Variants in MEGF11 observed in about 807,000 individuals in gnomAD.
MEGF11 encodes the protein multiple epidermal growth factor-like domains protein 11.
Under a neutral mutation model 146.6 loss-of-function variants are expected in MEGF11, and 126 were observed. That is an observed-to-expected ratio of 0.86 (90% confidence interval 0.74 to 1.00). MEGF11 has a LOEUF of 1.00. Ranked by LOEUF, MEGF11 falls within the 50% of genes least tolerant of loss-of-function variation. The probability of loss-of-function intolerance (pLI) is 0.00; values close to 1 mark genes in which losing one functional copy is unlikely to be tolerated. For missense variants in MEGF11, 1,509 were observed against 1,521.2 expected (o/e 0.99, Z 0.13); for synonymous variants, 532 against 583.4 (o/e 0.91, Z 1.27).
chr15:66,100,665 T>G (rs2086755319), intron 4 of MEGF11, among the ~76,000 whole-genome samples: 1 of 152,104 alleles, frequency 6.6e-6, no homozygotes, highest in South Asian at 2.1e-4. Flanking sequence ...CCTCACTATG[T>G]TTTTCAAAGT....
chr15:66,113,436 G>A (rs1237876747), intron 4 of MEGF11, among the ~76,000 whole-genome samples: 4 of 152,198 alleles, frequency 2.6e-5, no homozygotes, highest in South Asian at 4.1e-4. Flanking sequence ...TTGCCGGGGG[G>A]AAACTATGTC....
chr15:66,144,261 C>T (rs573621639), intron 1 of MEGF11, among the ~76,000 whole-genome samples: 16 of 152,076 alleles, frequency 1.1e-4, no homozygotes, highest in Admixed American at 1.0e-3. Context: ...CGGTGTTGTC[C>T]AAAAGCTCCC....
chr15:66,171,261 T>C (rs1284873593), intron 1 of MEGF11, among the ~76,000 whole-genome samples: 1 of 152,066 alleles, frequency 6.6e-6, no homozygotes, highest in Non-Finnish European at 1.5e-5. Context: ...CCGGGGCAGG[T>C]ATCTGCTCAA....
chr15:66,181,945 C>T (rs1422161419), intron 1 of MEGF11, among the ~76,000 whole-genome samples: 1 of 152,180 alleles, frequency 6.6e-6, no homozygotes, highest in Non-Finnish European at 1.5e-5. Flanking sequence ...TCCCCTTGGG[C>T]AACCAGCCAG....
At chr15:66,026,331 A>G (rs1236353518) in intron 5 of MEGF11, among the ~76,000 whole-genome samples, 1 of 152,188 alleles carries the variant, frequency 6.6e-6, no homozygotes, top group South Asian at 2.1e-4. Context: ...CGGGGACCAC[A>G]CTTTGAGTAG....
intron 9 of MEGF11, among the ~76,000 whole-genome samples, chr15:65,959,368 A>T (rs945501288): frequency 2.0e-5 from 3 of 152,232 alleles, no homozygotes; most frequent in African/African-American, 7.2e-5. Context: ...AGGAACAGGC[A>T]ATTCCTGAAT....
At chr15:65,911,134 G>A (rs1195516645) in intron 21 of MEGF11, among the ~76,000 whole-genome samples, 1 of 152,238 alleles carries the variant, frequency 6.6e-6, no homozygotes, top group East Asian at 1.9e-4. Context: ...GCTGGAAGCT[G>A]TCAGGGAAGG....
intron 1 of MEGF11, among the ~76,000 whole-genome samples, chr15:66,142,613 A>G (rs1423780541): frequency 6.6e-6 from 1 of 152,176 alleles, no homozygotes; most frequent in African/African-American, 2.4e-5. Context: ...AGGCCCTGTG[A>G]GGGGACAGCA....
At position 65,982,131 on chromosome 15, in the gene MEGF11, C is replaced by T; in HGVS notation, c.641+111G>A. 2.2e-6 allele frequency: 3 copies of T among 1,352,280 alleles called. No individual in the cohort carries two copies. The highest frequency in any genetic ancestry group is 1.9e-6 in the Non-Finnish European group (2 of 1,034,672). The allele number at this position is 1,352,280 out of a possible 1,614,324, so 83.8% of individuals were successfully genotyped here. A position where few individuals can be genotyped will look rare whatever the true frequency, so the allele number is the denominator to read the frequency against. ...GGCGTGCAGCTGCGGTGAGGGCAGC[C>T]ACTCCAGGCCCCGCCCCAGCCCCTC... is the stretch of plus-strand genomic sequence containing the variant. On this transcript the variant is annotated intron_variant, in intron 6 of 25. Coordinates refer to ENST00000395614, the MANE Select transcript of MEGF11 (RefSeq NM_001385028.1). This position sits in a 1 kb window ranked among gnomAD's most constrained non-coding sequence, Gnocchi z 5.6.
rs549156792 is a variant in MEGF11, at chr15:66,013,954, C to G, written c.395-31466G>C. On this transcript the variant is annotated intron_variant, in intron 5 of 25. Coordinates refer to ENST00000395614, the MANE Select transcript of MEGF11 (RefSeq NM_001385028.1). ...CAACAGGAGAATCTGAACTTCCTTT[C>G]TGGGGCCAGGAAAGTGACTGCAGGC... 3.3e-5 allele frequency among the ~76,000 whole-genome samples: 5 copies of G among 152,248 alleles called. No homozygotes were observed. The South Asian group carries it at 1.0e-3, about 32-fold the overall frequency.
At chr15:66,141,287 T>TGAGA (rs1339943663) in intron 1 of MEGF11, among the ~76,000 whole-genome samples, 63 of 98,900 alleles carry the variant, frequency 6.4e-4, no homozygotes, top group East Asian at 1.9e-3. Context: ...TGTGTGTGTG[T>TGAGA]GTGAGAGAGA....
chr15:66,252,238 A>AC (rs1202283599), intron 1 of MEGF11, among the ~76,000 whole-genome samples: 1 of 63,232 alleles, frequency 1.6e-5, no homozygotes, highest in Non-Finnish European at 3.4e-5. Context: ...CCCACCCCCC[A>AC]CCCCCCACCG....
At chr15:66,119,023 T>G in intron 4 of MEGF11, 63 bp downstream of exon 4, 2 of 541,288 alleles carry the variant, frequency 3.7e-6, no homozygotes, top group Non-Finnish European at 6.5e-6. Context: ...TCCCCTCCCC[T>G]CCCCTCCTTT....
At chr15:66,078,833 G>A (rs1398425409) in intron 5 of MEGF11, among the ~76,000 whole-genome samples, 4 of 152,300 alleles carry the variant, frequency 2.6e-5, no homozygotes, top group East Asian at 3.9e-4. Flanking sequence ...GCCAGTTCTC[G>A]AGACTCCCTG....
At chr15:66,118,583 C>T (rs1202505660) in intron 4 of MEGF11, among the ~76,000 whole-genome samples, 1 of 152,202 alleles carries the variant, frequency 6.6e-6, no homozygotes. Flanking sequence ...TCCTCATGGT[C>T]CATCTCATCT....
Position 66,023,645 on chromosome 15 carries a change from G to A in MEGF11, c.395-41157C>T, listed in dbSNP as rs139940570. Reference sequence around the variant, plus strand: ...TCTGTCTCTGCTCGTTGCAGAGTCTGCACAGACCCAAGTGGGGTCGGCGTG... The same window carrying A: ...TCTGTCTCTGCTCGTTGCAGAGTCTACACAGACCCAAGTGGGGTCGGCGTG... On this transcript the variant is annotated intron_variant, in intron 5 of 25. Coordinates refer to ENST00000395614, the MANE Select transcript of MEGF11 (RefSeq NM_001385028.1). 4.0e-3 allele frequency among the ~76,000 whole-genome samples: 605 copies of A among 152,374 alleles called. 6 individuals carry two copies. Among genetic ancestry groups the A allele is most frequent in the African/African-American group, 0.014 (566 of 41,600 alleles).
intron 5 of MEGF11, among the ~76,000 whole-genome samples, chr15:66,070,168 T>C (rs1486152558): frequency 6.6e-6 from 1 of 152,058 alleles, no homozygotes; most frequent in Non-Finnish European, 1.5e-5. Flanking sequence ...GGCCCTGAGG[T>C]TGCCCCACAG....
chr15:65,967,474 T>G (rs1021688449), intron 8 of MEGF11, among the ~76,000 whole-genome samples: 2 of 152,152 alleles, frequency 1.3e-5, no homozygotes, highest in Admixed American at 1.3e-4. Flanking sequence ...TTCTTTATTA[T>G]GTATTTTGGA....
chr15:65,918,271 A>G (rs1245885028), intron 15 of MEGF11, among the ~76,000 whole-genome samples, 177 bp from the exon 16 acceptor site: 1 of 152,174 alleles, frequency 6.6e-6, no homozygotes, highest in African/African-American at 2.4e-5. Context: ...TTGCACATAA[A>G]TGAGTTGCCC....
Sources: gnomAD v4.1 joint callset for allele counts (sites outside exome capture counted in the v4.1 genomes callset) on GRCh38, gnomAD v4.1.1 for gene constraint, Gnocchi (gnomAD v3.1) non-coding constraint, MANE v1.5 for transcripts, NCBI Gene and HGNC (gene_info 2026-07-23, HGNC 2026-07-21) for gene names.